AKT1S1: variants seen among roughly 807,000 people sequenced by gnomAD.
The protein encoded by AKT1S1 is AKT1 substrate 1, also known as proline-rich AKT1 substrate 1.
In AKT1S1, 17 loss-of-function variants were observed where a neutral mutation model predicts 21.2. That is an observed-to-expected ratio of 0.80 (90% CI 0.55 to 1.20). AKT1S1 has a LOEUF of 1.20. AKT1S1 is among the 50% of genes most tolerant of loss of function. The pLI is 0.00. For missense variants in AKT1S1, 366 were observed against 368.3 expected, an observed-to-expected ratio of 0.99 and a Z score of 0.05; for synonymous variants, 181 against 165.6, an observed-to-expected ratio of 1.09 and a Z score of -0.72.
intron 2 of AKT1S1, 97 bp from the exon 3 acceptor site, chr19:49,871,986 C>G: frequency 4.1e-6 from 5 of 1,207,146 alleles, no homozygotes; most frequent in Non-Finnish European, 6.0e-6. Context: ...CAGCCACCAC[C>G]TCCACCTCCC....
chr19:49,876,591 G>A (rs974886829), intron 1 of AKT1S1: 3 of 1,509,914 alleles, frequency 2.0e-6, no homozygotes, highest in East Asian at 2.6e-5. Flanking sequence ...TAACAACGCC[G>A]CCTCCACTCA....
chr19:49,872,191 A>G (rs2074892521), intron 2 of AKT1S1, among the ~76,000 whole-genome samples: 1 of 152,164 alleles, frequency 6.6e-6, no homozygotes, highest in South Asian at 2.1e-4. Flanking sequence ...GAAACATGCA[A>G]TGACTATGAC....
upstream of AKT1S1, chr19:49,878,328 C>A: frequency 2.2e-6 from 3 of 1,372,386 alleles, no homozygotes; most frequent in South Asian, 1.3e-5. Flanking sequence ...GGAGTTTGGT[C>A]TGGCGGTCAG....
chr19:49,876,353 G>A (rs898558653), intron 1 of AKT1S1: 6 of 1,205,830 alleles, frequency 5.0e-6, no homozygotes, highest in African/African-American at 1.6e-5. Context: ...GTGGTCCACG[G>A]CCCAGGTAGA....
At position 49,873,956 on chromosome 19, in the gene AKT1S1, A is replaced by C. The variant is rs891608077; in HGVS notation, c.-7-654T>G. 5 of 152,254 alleles carry C rather than the reference A, an allele frequency of 3.3e-5. No homozygotes were observed. The highest frequency in any genetic ancestry group is 5.9e-5 in the Non-Finnish European group (4 of 68,090). 9.4% of individuals were successfully genotyped at this position (152,254 alleles called of 1,614,324 possible). ...AGCCATCCCGTCAAGAGTGTCCTGC[A>C]CAAGGCCCAGGGGGTTCCTTCAGCA... On this transcript the variant is annotated intron_variant, in intron 1 of 4. Transcript: ENST00000344175. This position sits in a 1 kb window ranked among gnomAD's most constrained non-coding sequence, Gnocchi z 6.9.
intron 2 of AKT1S1, among the ~76,000 whole-genome samples, chr19:49,872,446 G>C (rs2074894563): frequency 6.6e-6 from 1 of 152,180 alleles, no homozygotes; most frequent in Non-Finnish European, 1.5e-5. Flanking sequence ...CAGCCTCCGG[G>C]AAGTGCCCGA....
At chr19:49,872,104 AGCTGCACACAACGG>A (rs1429039406) in intron 2 of AKT1S1, among the ~76,000 whole-genome samples, 1 of 152,240 alleles carries the variant, frequency 6.6e-6, no homozygotes, top group Admixed American at 6.5e-5. Flanking sequence ...CCACCCTCTC[AGCTGCACACAACGG>A]GCTGCTAACA....
In AKT1S1 at chr19:49,869,963, G is replaced by A. The variant is rs370370932; in HGVS notation, c.725C>T (p.Pro242Leu). The change falls in exon 5 of 5, where the codon CCG becomes CTG. Residue 242 changes from proline to leucine, a missense_variant. Physicochemically the swap from Pro to Leu is moderately conservative, Grantham distance 98 (BLOSUM62 -3). Transcript: ENST00000344175. ...DTQVFGDLPRPRLNTSDFQKL... is the reference protein window; with the variant it reads ...DTQVFGDLPRLRLNTSDFQKL... Reference sequence around the variant, plus strand: ...CTGGAAGTCGCTGGTGTTAAGCCGCGGCCGTGGCAGGTCCCCGAAGACCTG... The same window carrying A: ...CTGGAAGTCGCTGGTGTTAAGCCGCAGCCGTGGCAGGTCCCCGAAGACCTG... 1 of 1,539,070 alleles carries A rather than the reference G, an allele frequency of 6.5e-7. No homozygotes were observed. The highest frequency in any genetic ancestry group is 1.2e-5 in the South Asian group (1 of 83,186).
In AKT1S1 at chr19:49,869,852, G is replaced by A. The variant is rs895289043; in HGVS notation, c.*65C>T. 6 of 1,369,570 alleles carry A rather than the reference G, an allele frequency of 4.4e-6. No homozygotes were observed. The highest frequency in any genetic ancestry group is 6.1e-5 in the Admixed American group (2 of 32,748). The allele number at this position is 1,369,570 out of a possible 1,614,324, so 84.8% of individuals were successfully genotyped here. A position where few individuals can be genotyped will look rare whatever the true frequency, so the allele number is the denominator to read the frequency against. ...ATCGGCCTCAGATTAGCAGGCCCCG[G>A]GAGTGGGGCGGGGGCGTAGTGTGGG... On this transcript the variant is annotated 3_prime_UTR_variant, in exon 5 of 5. Coordinates refer to ENST00000344175, the MANE Select transcript of AKT1S1 (RefSeq NM_001098633.4).
In AKT1S1 at chr19:49,873,252, C is replaced by A; in HGVS notation, c.44G>T (p.Gly15Val). 6.5e-7 allele frequency: 1 copy of A among 1,534,578 alleles called. No individual in the cohort carries two copies. The highest frequency in any genetic ancestry group is 8.7e-7 in the Non-Finnish European group (1 of 1,150,998). Residue 15 changes from glycine to valine, a missense_variant, in exon 2 of 5, where the codon GGG becomes GTG. Physicochemically the swap from Gly to Val is moderately radical, Grantham distance 109. Transcript: ENST00000344175. The surrounding 1 kb of genome is among the most constrained non-coding windows in gnomAD (Gnocchi z 6.9). ...RPEELWEAVV[G>V]AAERFRARTG... ...CCGGGCCCGGAAGCGCTCAGCGGCC[C>A]CCACCACGGCCTCCCACAGCTCCTC...
chr19:49,878,199 C>T, upstream of AKT1S1: 1 of 1,570,312 alleles, frequency 6.4e-7, no homozygotes. Flanking sequence ...AGTATCAGGA[C>T]CGAGACTCTC....
In AKT1S1 at chr19:49,869,717, C is replaced by A. The variant is rs2074860301; in HGVS notation, c.*200G>T. ...AGAGACGACAGACCCAATCGGGAAA[C>A]GGGACAGATGCCGCTCCTCGGCGCG... On this transcript the variant is annotated 3_prime_UTR_variant, in exon 5 of 5. Coordinates refer to ENST00000344175, the MANE Select transcript of AKT1S1 (RefSeq NM_001098633.4). 1.9e-6 allele frequency: 1 copy of A among 534,480 alleles called. No homozygotes were observed. Among genetic ancestry groups the A allele is most frequent in the Non-Finnish European group, 3.1e-6 (1 of 324,658 alleles). 33.1% of individuals were successfully genotyped at this position (534,480 alleles called of 1,614,324 possible). A position where few individuals can be genotyped will look rare whatever the true frequency, so the allele number is the denominator to read the frequency against.
At chr19:49,875,919 G>T in intron 1 of AKT1S1, 1 of 985,474 alleles carries the variant, frequency 1.0e-6, no homozygotes, top group Non-Finnish European at 1.2e-6. Context: ...GGAGCTGAGA[G>T]ATGGAGGAAG....
At chr19:49,876,758 C>T in intron 1 of AKT1S1, 9 of 1,321,738 alleles carry the variant, frequency 6.8e-6, no homozygotes, top group Non-Finnish European at 7.9e-6. Context: ...GCCACAGGGG[C>T]TTCATCCGAA....
At chr19:49,874,509 C>A (rs2074919512) in intron 1 of AKT1S1, 1 of 152,292 alleles carries the variant, frequency 6.6e-6, no homozygotes, top group African/African-American at 2.4e-5. Flanking sequence ...ACAGCTGTAA[C>A]CTGGCTGCCT....
Position 49,869,636 on chromosome 19 carries a change from A to C in AKT1S1, c.*281T>G. 1 of 354,544 alleles carries C rather than the reference A, an allele frequency of 2.8e-6. No homozygotes were observed. The highest frequency in any genetic ancestry group is 5.1e-6 in the Non-Finnish European group (1 of 195,678). 22.0% of individuals were successfully genotyped at this position (354,544 alleles called of 1,614,324 possible). ...AAAACAAAGGAGTTGACCCATTTAG[A>C]GCTTAGAACTCAGCGAGCCAATCCC... On this transcript the variant is annotated 3_prime_UTR_variant, in exon 5 of 5. Transcript: ENST00000344175.
chr19:49,869,635 G>A lies in AKT1S1; in HGVS notation c.*282C>T. ...GAAAACAAAGGAGTTGACCCATTTA[G>A]AGCTTAGAACTCAGCGAGCCAATCC... On this transcript the variant is annotated 3_prime_UTR_variant, in exon 5 of 5. Transcript: ENST00000344175. 1 of 352,902 alleles carries A rather than the reference G, an allele frequency of 2.8e-6. No homozygotes were observed. The allele number at this position is 352,902 out of a possible 1,614,324, so 21.9% of individuals were successfully genotyped here. A position where few individuals can be genotyped will look rare whatever the true frequency, so the allele number is the denominator to read the frequency against.
upstream of AKT1S1, chr19:49,877,970 C>A: frequency 5.6e-6 from 4 of 713,088 alleles, 1 homozygote; most frequent in South Asian, 7.7e-5. Context: ...CCCTGTGGAA[C>A]GCACGTCAGC....
rs138610396 is a variant in AKT1S1 at position 49,875,724 on chromosome 19, T to C, written c.-8+1513A>G. ...GTAGCCACGGGATTAAAGAGTGAAA[T>C]AGGGTGAGTGAGTTGTGAGGGCTCC... On this transcript the variant is annotated intron_variant, in intron 1 of 4. Transcript: ENST00000344175. The C allele has an allele frequency of 1.7e-3, 622 of 376,270 alleles. 4 individuals are homozygous for C. Among genetic ancestry groups the C allele is most frequent in the African/African-American group, 0.013 (588 of 45,312 alleles). 23.3% of individuals were successfully genotyped at this position (376,270 alleles called of 1,614,324 possible).
Sources: gnomAD v4.1 joint callset for allele counts (sites outside exome capture counted in the v4.1 genomes callset) on GRCh38, gnomAD v4.1.1 for gene constraint, Gnocchi (gnomAD v3.1) non-coding constraint, MANE v1.5 for transcripts, NCBI Gene and HGNC (gene_info 2026-07-23, HGNC 2026-07-21) for gene names.